Variants in MSANTD4 observed in about 807,000 individuals in gnomAD.
MSANTD4 encodes the protein Myb/SANT DNA binding domain containing 4 with coiled-coils.
In MSANTD4, 13 loss-of-function variants were observed where a neutral mutation model predicts 34.3. The ratio of observed to expected loss-of-function variants is 0.38; its 90% CI spans 0.25 to 0.60. The LOEUF is 0.60. MSANTD4 is among the 20% of genes least tolerant of loss of function. The pLI, the probability that MSANTD4 is intolerant of heterozygous loss-of-function variation, is 0.63. For missense variants in MSANTD4, 358 were observed against 401.8 expected (o/e 0.89, Z 0.93); for synonymous variants, 137 against 145.2 (o/e 0.94, Z 0.41).
At chr11:106,018,464 C>T (rs1371422240) in intron 1 of MSANTD4, among the ~76,000 whole-genome samples, 4 of 152,194 alleles carry the variant, frequency 2.6e-5, no homozygotes, top group South Asian at 2.1e-4. Context: ...GGAATGGGGC[C>T]GGGCATTCAG....
intron 1 of MSANTD4, among the ~76,000 whole-genome samples, chr11:106,020,457 T>C (rs143093834): frequency 0.016 from 2,430 of 152,310 alleles, 46 homozygotes; most frequent in Admixed American, 0.057. Flanking sequence ...CATATAAATA[T>C]ATAACCAATA....
Position 106,010,376 on chromosome 11 carries a change from A to C in MSANTD4, c.462+80T>G, listed in dbSNP as rs1171654429. 5 of 1,506,402 alleles carry C rather than the reference A, an allele frequency of 3.3e-6. No individual in the cohort carries two copies. The African/African-American group carries it at 7.0e-5, about 21-fold the overall frequency. 93.3% of individuals were successfully genotyped at this position (1,506,402 alleles called of 1,614,324 possible). On this transcript the variant is annotated intron_variant, in intron 2 of 2. Transcript: ENST00000301919. ...TTTAAATAAGCTTGAAAATCTTGGA[A>C]TGTGTTAACAGTTCCTGAACAATAA...
At chr11:106,019,721 G>T (rs1348199318) in intron 1 of MSANTD4, among the ~76,000 whole-genome samples, 1 of 152,166 alleles carries the variant, frequency 6.6e-6, no homozygotes, top group East Asian at 1.9e-4. Flanking sequence ...TAAGAGATCA[G>T]ATACGAATAT....
intron 1 of MSANTD4, among the ~76,000 whole-genome samples, chr11:106,012,951 GA>G (rs1299846740): frequency 6.6e-6 from 1 of 152,156 alleles, no homozygotes; most frequent in Non-Finnish European, 1.5e-5. Flanking sequence ...TAGGAGGCTG[GA>G]ACAGATGGTG....
At chr11:106,013,778 C>T (rs1243853892) in intron 1 of MSANTD4, among the ~76,000 whole-genome samples, 1 of 152,206 alleles carries the variant, frequency 6.6e-6, no homozygotes, top group African/African-American at 2.4e-5. Context: ...ATGAGAATCG[C>T]TTGAACCCAG....
chr11:106,013,191 C>G (rs971389843), intron 1 of MSANTD4, among the ~76,000 whole-genome samples: 1 of 152,042 alleles, frequency 6.6e-6, no homozygotes, highest in East Asian at 1.9e-4. Context: ...TAAGGGGTAC[C>G]TTACACAGAC....
At chr11:106,015,522 G>T (rs1032213074) in intron 1 of MSANTD4, among the ~76,000 whole-genome samples, 1 of 152,170 alleles carries the variant, frequency 6.6e-6, no homozygotes, top group Non-Finnish European at 1.5e-5. Context: ...GGTCCCATGG[G>T]TCTTTATTAT....
chr11:106,018,169 T>A, intron 1 of MSANTD4, among the ~76,000 whole-genome samples: 1 of 152,194 alleles, frequency 6.6e-6, no homozygotes. Context: ...TTTATTTCAC[T>A]CCATATGCTG....
At chr11:106,011,480 A>C (rs1186647775) in intron 1 of MSANTD4, among the ~76,000 whole-genome samples, 1 of 152,128 alleles carries the variant, frequency 6.6e-6, no homozygotes, top group African/African-American at 2.4e-5. Context: ...TCCTCGGTCT[A>C]CTTTATTCCT....
In MSANTD4 at chr11:106,011,026, T is replaced by C. The variant is rs1859676001; in HGVS notation, c.-109A>G. ...CTTTGCTGGCCCTTAGTTCAAATCA[T>C]TGTCTTCCATTCATCTAGTGGCAAG... On this transcript the variant is annotated 5_prime_UTR_variant, in exon 2 of 3. The change abolishes an upstream ATG in the 5' untranslated region. Coordinates refer to ENST00000301919, the MANE Select transcript of MSANTD4 (RefSeq NM_032424.3). 7.0e-7 allele frequency: 1 copy of C among 1,431,332 alleles called. No individual in the cohort carries two copies. The highest frequency in any genetic ancestry group is 1.4e-5 in the African/African-American group (1 of 69,688). 88.7% of individuals were successfully genotyped at this position (1,431,332 alleles called of 1,614,324 possible).
rs770228013 is a variant in MSANTD4, at chr11:106,009,698, T to A, written c.875A>T (p.Asp292Val). 9 of 1,614,128 alleles carry A rather than the reference T, an allele frequency of 5.6e-6. No individual in the cohort carries two copies. Among genetic ancestry groups the A allele is most frequent in the Admixed American group, 5.0e-5 (3 of 60,016 alleles). The change falls in exon 3 of 3, where the codon GAC becomes GTC. Residue 292 changes from aspartate to valine, a missense_variant. Asp to Val is a radical substitution (Grantham distance 152, BLOSUM62 -3). This residue lies in a region of MSANTD4 where 312 missense variants were observed against 317.6 expected (regional missense o/e 0.98). Transcript: ENST00000301919. ...AAGTTTTAACTTCTCTGTTTCTATG[T>A]CCTGTGGTTGAAGCATGGATTTTTC... ...QGEKSMLQPQ[D>V]IETEKLKLER... is the part of the protein sequence containing the mutation.
intron 1 of MSANTD4, among the ~76,000 whole-genome samples, chr11:106,020,649 T>TGACAGCAGC (rs1000304806): frequency 7.5e-4 from 114 of 152,316 alleles, no homozygotes; most frequent in African/African-American, 2.5e-3. Flanking sequence ...TTTTAAAGTT[T>TGACAGCAGC]GACAGCAGCT....
chr11:106,009,113 G>C lies in MSANTD4; in HGVS notation c.*422C>G, dbSNP rs138232662. 1 of 157,848 alleles carries C rather than the reference G, an allele frequency of 6.3e-6. No homozygotes were observed. Among genetic ancestry groups the C allele is most frequent in the Non-Finnish European group, 1.4e-5 (1 of 71,776 alleles). The allele number at this position is 157,848 out of a possible 1,614,324, so 9.8% of individuals were successfully genotyped here. A position where few individuals can be genotyped will look rare whatever the true frequency, so the allele number is the denominator to read the frequency against. On this transcript the variant is annotated 3_prime_UTR_variant, in exon 3 of 3. Coordinates refer to ENST00000301919, the MANE Select transcript of MSANTD4 (RefSeq NM_032424.3). ...AAAATTCTTTACTGAGTGTGGGGGG[G>C]TGTTGAGGAGGTATGCATTGCACAG...
chr11:106,013,690 G>A (rs564855105), intron 1 of MSANTD4, among the ~76,000 whole-genome samples: 40 of 152,196 alleles, frequency 2.6e-4, no homozygotes, highest in South Asian at 8.3e-4. Flanking sequence ...GCAAAACCCC[G>A]TATCTACTAA....
In MSANTD4 at chr11:106,012,453, C is replaced by A. The variant is rs1859724850; in HGVS notation, c.-150-1386G>T. Among the ~76,000 whole-genome samples, 3 of 152,160 alleles carry A rather than the reference C, an allele frequency of 2.0e-5. No homozygotes were observed. In the South Asian group the frequency reaches 6.2e-4, roughly 32 times the overall value. On this transcript the variant is annotated intron_variant, in intron 1 of 2. Coordinates refer to ENST00000301919, the MANE Select transcript of MSANTD4 (RefSeq NM_032424.3). ...ACTTTAATTGTAGAGTTGAAGAGCA[C>A]AATAGGAAAGTACGTATACTTGGAG...
In MSANTD4 at chr11:106,010,846, A is replaced by G. The variant is rs777783776; in HGVS notation, c.72T>C (p.Ile24=). The change falls in exon 2 of 3, where the codon ATT becomes ATC. Residue 24 remains isoleucine (I), a synonymous_variant. Transcript: ENST00000301919. The part of the protein sequence containing the change: ...VQETQTLLKE[I]TKRKEVIFSK... ...AAAAAATGACTTCTTTCCTTTTCGT[A>G]ATTTCTTTCAAAAGGGTCTGAGTTT... The G allele has an allele frequency of 7.4e-6, 12 of 1,613,732 alleles. No individual in the cohort carries two copies. The highest frequency in any genetic ancestry group is 1.1e-5 in the South Asian group (1 of 90,988).
At chr11:106,016,552 T>C (rs564428774) in intron 1 of MSANTD4, among the ~76,000 whole-genome samples, 1 of 151,378 alleles carries the variant, frequency 6.6e-6, no homozygotes, top group South Asian at 2.1e-4. Context: ...AAATATGAAC[T>C]CAAAACAAGA....
intron 1 of MSANTD4, among the ~76,000 whole-genome samples, chr11:106,015,858 G>A (rs1339720483): frequency 3.3e-5 from 5 of 152,042 alleles, no homozygotes; most frequent in African/African-American, 1.2e-4. Context: ...ACTGTAGAAT[G>A]CTTATAATTT....
chr11:106,013,397 C>T (rs1478556043), intron 1 of MSANTD4, among the ~76,000 whole-genome samples: 3 of 152,104 alleles, frequency 2.0e-5, no homozygotes, highest in Admixed American at 1.3e-4. Flanking sequence ...ATTTAAACCC[C>T]ATCATAACAT....
Sources: allele counts gnomAD v4.1 joint callset (sites outside exome capture counted in the v4.1 genomes callset), GRCh38; gene constraint gnomAD v4.1.1; regional missense constraint gnomAD v4.1.1; transcripts MANE v1.5; gene names NCBI Gene and HGNC (gene_info 2026-07-23, HGNC 2026-07-21).